Variants in USH2A observed in about 807,000 individuals in gnomAD.
The protein encoded by USH2A is Usher syndrome 2A (autosomal recessive, mild).
In USH2A, 443 loss-of-function variants were observed where a neutral mutation model predicts 538.9. The observed-to-expected ratio is 0.82, with a 90% CI of 0.76 to 0.89. The LOEUF is 0.89. USH2A is among the 40% of genes least tolerant of loss of function. The probability of loss-of-function intolerance (pLI) is 0.00; values close to 1 mark genes in which losing one functional copy is unlikely to be tolerated. For missense variants in USH2A, 6,633 were observed against 6,324.8 expected (o/e 1.05, Z -1.65); for synonymous variants, 2,413 against 2,273.5 (o/e 1.06, Z -1.75).
chr1:216,143,801 G>C (rs1286611355), intron 21 of USH2A, among the ~76,000 whole-genome samples: 1 of 152,152 alleles, frequency 6.6e-6, no homozygotes, highest in Non-Finnish European at 1.5e-5. Flanking sequence ...TAGCTGAACT[G>C]TCAAACTTGC....
chr1:216,101,331 G>A (rs1176840204), intron 21 of USH2A, among the ~76,000 whole-genome samples: 1 of 152,182 alleles, frequency 6.6e-6, no homozygotes, highest in Non-Finnish European at 1.5e-5. Flanking sequence ...CCGTGAGACA[G>A]AATGGTAACA....
chr1:216,275,910 C>T (rs1314263407), intron 11 of USH2A, among the ~76,000 whole-genome samples: 3 of 151,962 alleles, frequency 2.0e-5, no homozygotes, highest in Non-Finnish European at 4.4e-5. Context: ...TGTTTCCTTC[C>T]TACTTTTGGA....
chr1:216,199,155 G>C (rs72731387), intron 17 of USH2A, among the ~76,000 whole-genome samples: 6,426 of 152,188 alleles, frequency 0.042, 196 homozygotes, highest in Non-Finnish European at 0.071. Flanking sequence ...TGTGTGTCTG[G>C]CCTATATAAC....
intron 19 of USH2A, 97 bp downstream of exon 19, chr1:216,196,456 G>C: frequency 1.4e-6 from 2 of 1,380,860 alleles, no homozygotes; most frequent in Non-Finnish European, 1.0e-6. Context: ...AATCAATATA[G>C]AGGGAGAATT....
intron 55 of USH2A, among the ~76,000 whole-genome samples, chr1:215,774,255 TTTCATTTGAAA>T (rs1266804795): frequency 6.6e-6 from 1 of 152,122 alleles, no homozygotes; most frequent in Non-Finnish European, 1.5e-5. Flanking sequence ...TAATTCTATA[TTTCATTTGAAA>T]TTCTGGGCCA....
At chr1:216,129,654 T>C (rs2033328220) in intron 21 of USH2A, among the ~76,000 whole-genome samples, 1 of 152,018 alleles carries the variant, frequency 6.6e-6, no homozygotes, top group Non-Finnish European at 1.5e-5. Flanking sequence ...ATAGATTCAA[T>C]GCAATCCCTA....
chr1:216,137,368 C>T (rs1401029596), intron 21 of USH2A, among the ~76,000 whole-genome samples: 1 of 152,106 alleles, frequency 6.6e-6, no homozygotes, highest in African/African-American at 2.4e-5. Flanking sequence ...GTGAAAGGCA[C>T]TTCTTACGTG....
At chr1:216,005,691 T>A (rs17025869) in intron 32 of USH2A, among the ~76,000 whole-genome samples, 1,879 of 152,112 alleles carry the variant, frequency 0.012, 33 homozygotes, top group African/African-American at 0.043. Context: ...AGATTTACCA[T>A]TAAATACGAG....
intron 61 of USH2A, among the ~76,000 whole-genome samples, chr1:215,714,400 A>T (rs1160795957): frequency 2.0e-5 from 3 of 152,160 alleles, no homozygotes; most frequent in Non-Finnish European, 4.4e-5. Context: ...CCATGGGGAC[A>T]CCTGGGTAAG....
At chr1:215,960,821 TAAAGAG>T (rs1172453533) in intron 37 of USH2A, among the ~76,000 whole-genome samples, 1 of 152,250 alleles carries the variant, frequency 6.6e-6, no homozygotes, top group East Asian at 1.9e-4. Context: ...CATCCATAAT[TAAAGAG>T]AAAGACCCAG....
At chr1:216,134,246 CTTAT>C (rs1404271472) in intron 21 of USH2A, among the ~76,000 whole-genome samples, 3 of 151,876 alleles carry the variant, frequency 2.0e-5, no homozygotes, top group East Asian at 1.9e-4. Flanking sequence ...TCTCATATTT[CTTAT>C]TTATTTTTAA....
intron 11 of USH2A, among the ~76,000 whole-genome samples, chr1:216,269,905 A>G (rs1432274840): frequency 2.6e-5 from 4 of 152,054 alleles, no homozygotes; most frequent in African/African-American, 9.7e-5. Context: ...TGCAATAATT[A>G]CCCCAGTCAG....
intron 69 of USH2A, among the ~76,000 whole-genome samples, 160 bp downstream of exon 69, chr1:215,638,995 A>AC (rs1656588420): frequency 6.6e-6 from 1 of 151,124 alleles, no homozygotes; most frequent in African/African-American, 2.4e-5. Flanking sequence ...AACAACAACA[A>AC]AAAAAAAACA....
intron 21 of USH2A, among the ~76,000 whole-genome samples, chr1:216,163,039 C>T (rs2034092024): frequency 1.3e-5 from 2 of 151,898 alleles, no homozygotes; most frequent in African/African-American, 4.8e-5. Flanking sequence ...TCTGCTTGAG[C>T]TCAATAATTC....
At chr1:216,097,317 G>A in intron 21 of USH2A, 104 bp from the exon 22 acceptor site, 3 of 1,588,058 alleles carry the variant, frequency 1.9e-6, no homozygotes, top group Non-Finnish European at 2.6e-6. Flanking sequence ...AGTGAGTACA[G>A]TCAGGAAATT....
At chr1:216,411,030 T>C (rs2039481193) in intron 3 of USH2A, among the ~76,000 whole-genome samples, 1 of 152,044 alleles carries the variant, frequency 6.6e-6, no homozygotes, top group Non-Finnish European at 1.5e-5. Flanking sequence ...TCCTTCCTTA[T>C]CCTCATCCCT....
intron 26 of USH2A, among the ~76,000 whole-genome samples, chr1:216,080,633 C>T (rs2031911011): frequency 6.6e-6 from 1 of 151,724 alleles, no homozygotes. Flanking sequence ...AAAGAAAAAA[C>T]ACTAAGGAAA....
At chr1:215,915,353 G>C (rs1405454966) in intron 38 of USH2A, among the ~76,000 whole-genome samples, 1 of 152,094 alleles carries the variant, frequency 6.6e-6, no homozygotes, top group African/African-American at 2.4e-5. Context: ...CTAACTTGGA[G>C]AGCGGATACT....
intron 21 of USH2A, among the ~76,000 whole-genome samples, chr1:216,152,547 CA>C (rs955853952): frequency 3.3e-5 from 5 of 152,160 alleles, no homozygotes; most frequent in Non-Finnish European, 7.4e-5. Flanking sequence ...TTTACCTACC[CA>C]AATCCTATAA....
Sources: gnomAD v4.1 joint callset for allele counts (sites outside exome capture counted in the v4.1 genomes callset) on GRCh38, gnomAD v4.1.1 for gene constraint, MANE v1.5 for transcripts, NCBI Gene and HGNC (gene_info 2026-07-23, HGNC 2026-07-21) for gene names.